Variants in SMN1 observed in about 807,000 individuals in gnomAD.
The protein encoded by SMN1 is survival motor neuron protein.
For missense variants in SMN1, 15 were observed against 17.1 expected (o/e 0.88, Z 0.22); for synonymous variants, 3 against 5.1 (o/e 0.58, Z 0.56).
intron 1 of SMN1, among the ~76,000 whole-genome samples, chr5:70,928,300 C>CAAAAA (rs1255859772): frequency 1.1e-4 from 1 of 9,078 alleles, no homozygotes; most frequent in Admixed American, 2.0e-3. Flanking sequence ...GACTCTGCCT[C>CAAAAA]AAAAAAAAAA....
At chr5:70,955,030 C>T (rs530911542), downstream of SMN1, among the ~76,000 whole-genome samples, 15 of 136,980 alleles carry the variant, frequency 1.1e-4, no homozygotes, top group African/African-American at 5.4e-5. Flanking sequence ...TAAGCAACAA[C>T]GCAAAACCCC....
downstream of SMN1, among the ~76,000 whole-genome samples, chr5:70,957,542 G>T (rs1157982670): frequency 6.7e-6 from 1 of 149,110 alleles, no homozygotes; most frequent in African/African-American, 2.5e-5. Flanking sequence ...GTTGAATTTT[G>T]TCAAAGGCCT....
chr5:70,960,001 ATATT>A, the SMN1 span, among the ~76,000 whole-genome samples: 1 of 139,376 alleles, frequency 7.2e-6, no homozygotes, highest in African/African-American at 2.6e-5. Context: ...ATATTAATCT[ATATT>A]TATACCAACA....
the SMN1 span, among the ~76,000 whole-genome samples, chr5:70,959,663 C>T: frequency 3.3e-4 from 9 of 27,582 alleles, no homozygotes; most frequent in East Asian, 4.9e-3. Context: ...TTTTTTGATA[C>T]GGAGTCTTGC....
Position 70,951,019 on chromosome 5 carries a change from C to T in SMN1, c.835-922C>T, listed in dbSNP as rs554559198. Among the ~76,000 whole-genome samples, 173 of 151,996 alleles carry T rather than the reference C, an allele frequency of 1.1e-3. 2 individuals carry two copies. Among genetic ancestry groups the T allele is most frequent in the Non-Finnish European group, 1.3e-3 (91 of 68,006 alleles). On this transcript the variant is annotated intron_variant, in intron 7 of 8. Transcript: ENST00000380707. ...CAAATCCGACCTCAGGTGATCCGCCCGCCTTGGCCTCCAAAAGTGCAAGGC... is the reference window on the plus strand; with the variant it reads ...CAAATCCGACCTCAGGTGATCCGCCTGCCTTGGCCTCCAAAAGTGCAAGGC...
At chr5:70,958,706 C>T (rs1426365259), downstream of SMN1, among the ~76,000 whole-genome samples, 20 of 136,958 alleles carry the variant, frequency 1.5e-4, 1 homozygote, top group Non-Finnish European at 1.6e-4. Flanking sequence ...TGTTCTTTTA[C>T]GTTTGCTGAG....
the SMN1 span, among the ~76,000 whole-genome samples, chr5:70,959,105 A>G: frequency 1.3e-5 from 2 of 150,380 alleles, no homozygotes; most frequent in African/African-American, 4.9e-5. Context: ...TGTCCTTTGT[A>G]GGGACATGGA....
intron 7 of SMN1, among the ~76,000 whole-genome samples, chr5:70,950,357 C>T (rs1434077954): frequency 6.1e-5 from 9 of 146,512 alleles, no homozygotes; most frequent in East Asian, 2.1e-4. Flanking sequence ...GCGGAGGTTG[C>T]GGTGAGCCAA....
At chr5:70,949,751 AAGGTCATAT>A (rs1351613942) in intron 7 of SMN1, among the ~76,000 whole-genome samples, 1 of 57,634 alleles carries the variant, frequency 1.7e-5, no homozygotes. Flanking sequence ...CAGGTAGTTT[AAGGTCATAT>A]ATTTTATTTG....
the SMN1 span, among the ~76,000 whole-genome samples, chr5:70,960,922 C>G: frequency 2.1e-4 from 30 of 143,184 alleles, 1 homozygote; most frequent in Non-Finnish European, 4.2e-4. Context: ...GTCTTGAACT[C>G]CTGACCTCAA....
At chr5:70,952,307 T>C in intron 8 of SMN1, 132 bp from the exon 9 acceptor site, 2 of 1,314,872 alleles carry the variant, frequency 1.5e-6, no homozygotes, top group East Asian at 2.6e-5. Flanking sequence ...TATTGTGATA[T>C]GGGATAACCT....
the SMN1 span, among the ~76,000 whole-genome samples, chr5:70,960,239 A>C: frequency 3.4e-5 from 5 of 148,942 alleles, no homozygotes; most frequent in Non-Finnish European, 1.5e-5. Flanking sequence ...TTGCTTATAA[A>C]ATTTTATTTA....
the SMN1 span, among the ~76,000 whole-genome samples, chr5:70,959,365 C>A: frequency 1.4e-5 from 2 of 148,068 alleles, no homozygotes; most frequent in African/African-American, 4.9e-5. Flanking sequence ...ATGTAACTAA[C>A]CTGCACATTG....
chr5:70,944,157 AT>A (rs1474105288), intron 5 of SMN1, among the ~76,000 whole-genome samples: 2 of 151,494 alleles, frequency 1.3e-5, no homozygotes, highest in East Asian at 1.9e-4. Context: ...TGAGGCTTAC[AT>A]TATATTACAG....
chr5:70,952,167 A>G, intron 8 of SMN1, 173 bp downstream of exon 8: 6 of 1,471,162 alleles, frequency 4.1e-6, no homozygotes, highest in Non-Finnish European at 4.5e-6. Flanking sequence ...TAAAAGGTTA[A>G]TCTACATCCC....
At chr5:70,943,785 T>C (rs1388305178) in intron 5 of SMN1, among the ~76,000 whole-genome samples, 1 of 144,388 alleles carries the variant, frequency 6.9e-6, no homozygotes, top group Non-Finnish European at 1.6e-5. Flanking sequence ...GAATGGTATT[T>C]AGGCAATTTT....
At chr5:70,957,546 A>G (rs1385692725), downstream of SMN1, among the ~76,000 whole-genome samples, 7 of 149,108 alleles carry the variant, frequency 4.7e-5, 1 homozygote, top group South Asian at 1.5e-3. Flanking sequence ...AATTTTGTCA[A>G]AGGCCTTTTC....
chr5:70,935,665 A>G (rs1749405332), intron 1 of SMN1, among the ~76,000 whole-genome samples: 1 of 152,392 alleles, frequency 6.6e-6, no homozygotes, highest in Middle Eastern at 3.4e-3. Context: ...AGGCAGGAGA[A>G]TCACTTGAAC....
intron 5 of SMN1, among the ~76,000 whole-genome samples, chr5:70,943,828 G>T (rs199914491): frequency 1.4e-5 from 2 of 143,144 alleles, no homozygotes; most frequent in Non-Finnish European, 3.1e-5. Flanking sequence ...TTGCTCTGTC[G>T]CTCAGGCTGG....
Sources: gnomAD v4.1 joint callset for allele counts (sites outside exome capture counted in the v4.1 genomes callset) on GRCh38, gnomAD v4.1.1 for gene constraint, MANE v1.5 for transcripts, NCBI Gene and HGNC (gene_info 2026-07-23, HGNC 2026-07-21) for gene names.